Variants in PLXNA2 observed in about 807,000 individuals in gnomAD.
PLXNA2 encodes the protein plexin-A2.
In PLXNA2, 91 loss-of-function variants were observed where a neutral mutation model predicts 193.5. The observed-to-expected ratio is 0.47, with a 90% CI of 0.40 to 0.56. The LOEUF (loss-of-function observed/expected upper bound fraction) is 0.56. PLXNA2 is among the 20% of genes least tolerant of loss of function. The pLI is 0.00. For synonymous variants in PLXNA2, 997 were observed against 1,027.3 expected (o/e 0.97, Z 0.56); for missense variants, 1,995 against 2,503.2 (o/e 0.80, Z 4.33).
chr1:208,175,596 C>T (rs1158712243), intron 3 of PLXNA2, among the ~76,000 whole-genome samples: 1 of 152,156 alleles, frequency 6.6e-6, no homozygotes, highest in Non-Finnish European at 1.5e-5. Context: ...TCTAGGCAGT[C>T]TGATTGGAAC....
chr1:208,198,710 C>A (rs1395742226), intron 3 of PLXNA2, among the ~76,000 whole-genome samples: 1 of 152,210 alleles, frequency 6.6e-6, no homozygotes, highest in African/African-American at 2.4e-5. Context: ...CCTCTTCTCT[C>A]GTGCATCTTC....
chr1:208,191,713 C>A (rs937750417), intron 3 of PLXNA2, among the ~76,000 whole-genome samples: 8 of 152,206 alleles, frequency 5.3e-5, no homozygotes, highest in African/African-American at 1.9e-4. Flanking sequence ...AACACAGATA[C>A]TTTGGCCCCA....
In PLXNA2 at chr1:208,024,720, C is replaced by T. The variant is rs1394221716; in HGVS notation, c.*2523G>A. 2.6e-5 allele frequency: 4 copies of T among 152,234 alleles called. No individual in the cohort carries two copies. Among genetic ancestry groups the T allele is most frequent in the African/African-American group, 9.7e-5 (4 of 41,442 alleles). The allele number at this position is 152,234 out of a possible 1,614,324, so 9.4% of individuals were successfully genotyped here. A position where few individuals can be genotyped will look rare whatever the true frequency, so the allele number is the denominator to read the frequency against. On this transcript the variant is annotated 3_prime_UTR_variant, in exon 32 of 32. Transcript: ENST00000367033. ...ACTGCTGGGAGATGCCAGGTAGATG[C>T]ATTGAGTTAAGGGCTGGTAGAGATG...
At chr1:208,030,064 G>A in intron 29 of PLXNA2, 13 of 985,438 alleles carry the variant, frequency 1.3e-5, no homozygotes, top group Non-Finnish European at 1.6e-5. Flanking sequence ...GCCAGGTCTT[G>A]GGGAAGATCT....
chr1:208,083,311 C>A (rs913938136), intron 10 of PLXNA2, among the ~76,000 whole-genome samples: 11 of 152,170 alleles, frequency 7.2e-5, no homozygotes, highest in Non-Finnish European at 1.2e-4. Flanking sequence ...AGACATTTAG[C>A]CCCTTCACAC....
intron 15 of PLXNA2, among the ~76,000 whole-genome samples, chr1:208,051,890 A>G (rs937161267): frequency 2.0e-5 from 3 of 152,138 alleles, no homozygotes; most frequent in African/African-American, 7.2e-5. Flanking sequence ...AATTCTCTAC[A>G]TCTTCAGGGC....
chr1:208,042,927 G>T, intron 21 of PLXNA2, 134 bp downstream of exon 21: 1 of 820,580 alleles, frequency 1.2e-6, no homozygotes, highest in Non-Finnish European at 1.9e-6. Flanking sequence ...CTCTGTTGCT[G>T]AGATGCTGTT....
chr1:208,027,151 G>A lies in PLXNA2; in HGVS notation c.*92C>T. 3 of 1,160,738 alleles carry A rather than the reference G, an allele frequency of 2.6e-6. No individual in the cohort carries two copies. Among genetic ancestry groups the A allele is most frequent in the Non-Finnish European group, 3.8e-6 (3 of 785,244 alleles). 71.9% of individuals were successfully genotyped at this position (1,160,738 alleles called of 1,614,324 possible). A position where few individuals can be genotyped will look rare whatever the true frequency, so the allele number is the denominator to read the frequency against. On this transcript the variant is annotated 3_prime_UTR_variant, in exon 32 of 32. Coordinates refer to ENST00000367033, the MANE Select transcript of PLXNA2 (RefSeq NM_025179.4). ...GGTCTCAGGGGACAGCAAGCTCTGG[G>A]GCCTGATCCCCATCACTTGTCCTTC...
At chr1:208,057,281 A>T (rs1665461613) in intron 13 of PLXNA2, among the ~76,000 whole-genome samples, 2 of 152,202 alleles carry the variant, frequency 1.3e-5, no homozygotes, top group Admixed American at 6.5e-5. Context: ...ATCTATGGCC[A>T]CAATTCTGGT....
At chr1:208,037,956 G>GT (rs1229178860) in intron 26 of PLXNA2, among the ~76,000 whole-genome samples, 1 of 152,240 alleles carries the variant, frequency 6.6e-6, no homozygotes, top group Non-Finnish European at 1.5e-5. Context: ...CTGCTCCACT[G>GT]TAAGTCAGAG....
intron 1 of PLXNA2, among the ~76,000 whole-genome samples, chr1:208,218,427 A>G (rs1302715650): frequency 6.6e-6 from 1 of 152,134 alleles, no homozygotes; most frequent in Non-Finnish European, 1.5e-5. Flanking sequence ...CTTGTTAGGC[A>G]GGCCCTCCCC....
intron 2 of PLXNA2, among the ~76,000 whole-genome samples, chr1:208,215,249 G>C (rs943065165): frequency 6.6e-5 from 10 of 152,160 alleles, no homozygotes; most frequent in African/African-American, 2.4e-4. Context: ...GCCTACCTTA[G>C]CCTGCCAAAG....
intron 12 of PLXNA2, among the ~76,000 whole-genome samples, chr1:208,073,811 G>C (rs972119418): frequency 6.6e-6 from 1 of 152,070 alleles, no homozygotes; most frequent in African/African-American, 2.4e-5. Context: ...GAGATAGAAT[G>C]CCATGTGGAC....
intron 4 of PLXNA2, among the ~76,000 whole-genome samples, chr1:208,135,916 C>T (rs1163548608): frequency 1.3e-5 from 2 of 152,240 alleles, no homozygotes; most frequent in East Asian, 3.9e-4. Context: ...AGCCAAGTCA[C>T]AAAAAGGCGA....
chr1:208,228,939 C>T (rs558968391), intron 1 of PLXNA2, among the ~76,000 whole-genome samples: 10 of 152,252 alleles, frequency 6.6e-5, no homozygotes, highest in East Asian at 1.9e-4. Context: ...TCATGGCCCT[C>T]GGGTGATTTA....
At position 208,031,670 on chromosome 1, in the gene PLXNA2, G is replaced by C; in HGVS notation, c.5145C>G (p.Tyr1715Ter). The C allele has an allele frequency of 6.2e-7, 1 of 1,613,746 alleles. No individual in the cohort carries two copies. Among genetic ancestry groups the C allele is most frequent in the Non-Finnish European group, 8.5e-7 (1 of 1,179,922 alleles). ...RGSALPLAIK[Y>*]MFDFLDEQAD... ...CCTGCTCATCTAGGAAATCAAACAT[G>C]TACTTGATGGCCAGGGGGAGAGCGC... is the stretch of plus-strand genomic sequence containing the variant. Residue 1715 changes from tyrosine (Y) to a stop codon, truncating the protein, a stop_gained, in exon 29 of 32, where the codon TAC becomes TAG. Coordinates refer to ENST00000367033, the MANE Select transcript of PLXNA2 (RefSeq NM_025179.4). LOFTEE classifies it high-confidence loss of function.
At chr1:208,127,378 A>G (rs1367213024) in intron 4 of PLXNA2, among the ~76,000 whole-genome samples, 1 of 152,254 alleles carries the variant, frequency 6.6e-6, no homozygotes, top group Non-Finnish European at 1.5e-5. Context: ...CAATCAAGAC[A>G]TAGTTTGGGT....
chr1:208,022,289 A>G lies in PLXNA2; in HGVS notation c.*4954T>C, dbSNP rs192223321. 1.9e-4 allele frequency: 29 copies of G among 152,638 alleles called. No homozygotes were observed. Among genetic ancestry groups the G allele is most frequent in the African/African-American group, 5.3e-4 (22 of 41,524 alleles). 9.5% of individuals were successfully genotyped at this position (152,638 alleles called of 1,614,324 possible). On this transcript the variant is annotated 3_prime_UTR_variant, in exon 32 of 32. Transcript: ENST00000367033. ...TTTTAATTCAGTAAACTTTATTTAT[A>G]TATAACAACAGTACAAATTGTGTCC...
chr1:208,195,422 C>T (rs1171515646), intron 3 of PLXNA2, among the ~76,000 whole-genome samples: 1 of 152,134 alleles, frequency 6.6e-6, no homozygotes, highest in African/African-American at 2.4e-5. Context: ...CACAGACCCA[C>T]CAGGCACTGT....
Sources: gnomAD v4.1 joint callset for allele counts (sites outside exome capture counted in the v4.1 genomes callset) on GRCh38, gnomAD v4.1.1 for gene constraint, MANE v1.5 for transcripts, NCBI Gene and HGNC (gene_info 2026-07-23, HGNC 2026-07-21) for gene names.